ASMT: variants seen among roughly 807,000 people sequenced by gnomAD.
The protein encoded by ASMT is acetylserotonin O-methyltransferase.
Under a neutral mutation model 41.3 loss-of-function variants are expected in ASMT, and 53 were observed. The ratio of observed to expected loss-of-function variants is 1.28; its 90% CI spans 1.03 to 1.61. The LOEUF (loss-of-function observed/expected upper bound fraction) is 1.61. Among genes scored for constraint, ASMT ranks in the 40% most tolerant of loss-of-function variants. The pLI is 0.00. For missense variants in ASMT, 531 were observed against 441.3 expected, an observed-to-expected ratio of 1.20 and a Z score of -1.82; for synonymous variants, 231 against 184.8, an observed-to-expected ratio of 1.25 and a Z score of -2.03.
intron 2 of ASMT, among the ~76,000 whole-genome samples, chrX:1,623,546 C>T (rs772145051): frequency 6.6e-6 from 1 of 152,264 alleles, no homozygotes; most frequent in East Asian, 1.9e-4. Context: ...TTGCAGTGAG[C>T]CGAGATCGTG....
chrX:1,628,705 C>G (rs1169816034), intron 4 of ASMT, among the ~76,000 whole-genome samples: 1 of 150,978 alleles, frequency 6.6e-6, no homozygotes, highest in Non-Finnish European at 1.5e-5. Flanking sequence ...CTCTTTTCCT[C>G]TCCATCTTCC....
chrX:1,629,536 C>T (rs1221172883), intron 4 of ASMT, among the ~76,000 whole-genome samples: 1 of 152,144 alleles, frequency 6.6e-6, no homozygotes, highest in African/African-American at 2.4e-5. Context: ...ATTGACTTTC[C>T]TCTTAGAAAA....
Position 1,615,231 on chromosome X carries a change from T to G in ASMT, c.32T>G (p.Leu11Arg). 1 of 1,599,024 alleles carries G rather than the reference T, an allele frequency of 6.3e-7. No homozygotes were observed. Among genetic ancestry groups the G allele is most frequent in the African/African-American group, 1.3e-5 (1 of 74,748 alleles). ...TCCTCAGAGGACCAGGCCTATCGCC[T>G]CCTTAATGACTACGCCAACGGCTTC... is the stretch of plus-strand genomic sequence containing the variant. MGSSEDQAYR[L>R]LNDYANGFMV... Residue 11 changes from leucine (L) to arginine (R), a missense_variant, in exon 1 of 9, where the codon CTC (leucine) becomes CGC (arginine). Physicochemically the swap from Leu to Arg is moderately radical, Grantham distance 102. Coordinates refer to ENST00000381241, the MANE Select transcript of ASMT (RefSeq NM_001171038.2).
intron 1 of ASMT, among the ~76,000 whole-genome samples, chrX:1,619,809 G>T (rs1212587280): frequency 6.6e-6 from 1 of 151,250 alleles, no homozygotes; most frequent in African/African-American, 2.4e-5. Flanking sequence ...AGGTTAATAC[G>T]GGCCGGGCGT....
Position 1,633,229 on chromosome X carries a change from G to A in ASMT, c.726G>A (p.Val242=), listed in dbSNP as rs769855891. 1 of 1,613,924 alleles carries A rather than the reference G, an allele frequency of 6.2e-7. No homozygotes were observed. The highest frequency in any genetic ancestry group is 1.1e-5 in the South Asian group (1 of 91,076). ...CKITVFDIPE[V]VWTAKQHFSF... ...TCACCGTTTTTGACATCCCAGAAGT[G>A]GTGTGGACGGCAAAGCAGCACTTCT... Residue 242 remains valine, a synonymous_variant, in exon 7 of 9, where the codon GTG becomes GTA. Coordinates refer to ENST00000381241, the MANE Select transcript of ASMT (RefSeq NM_001171038.2).
chrX:1,621,718 G>A (rs1283320166), intron 1 of ASMT, among the ~76,000 whole-genome samples: 11 of 151,118 alleles, frequency 7.3e-5, no homozygotes, highest in African/African-American at 2.4e-4. Context: ...CTATTGAGAC[G>A]GAGTTTCGCT....
intron 6 of ASMT, 62 bp from the exon 7 acceptor site, chrX:1,633,088 G>A: frequency 6.2e-7 from 1 of 1,604,542 alleles, no homozygotes; most frequent in South Asian, 1.1e-5. Context: ...ATGGTGTGTG[G>A]AGGGTGAGCG....
At chrX:1,636,829 A>G (rs1469628314) in intron 8 of ASMT, among the ~76,000 whole-genome samples, 1 of 152,334 alleles carries the variant, frequency 6.6e-6, no homozygotes, top group African/African-American at 2.4e-5. Context: ...TTAGGCTAGT[A>G]TTTGTGTGTG....
intron 1 of ASMT, among the ~76,000 whole-genome samples, chrX:1,619,591 A>AAAAAGT (rs200435245): frequency 1.4e-5 from 2 of 147,190 alleles, no homozygotes; most frequent in African/African-American, 5.0e-5. Flanking sequence ...TAATAATAAA[A>AAAAAGT]AGTCTTTGGG....
chrX:1,633,130 C>T lies in ASMT; in HGVS notation c.647-20C>T, dbSNP rs199525402. On this transcript the variant is annotated intron_variant, in intron 6 of 8. Coordinates refer to ENST00000381241, the MANE Select transcript of ASMT (RefSeq NM_001171038.2). Reference sequence around the variant, plus strand: ...CTCAGGTTCATCTCTGAGGGTCAAACGGGCTGTGTCCCCTTCCAGGTGGGG... The same window carrying T: ...CTCAGGTTCATCTCTGAGGGTCAAATGGGCTGTGTCCCCTTCCAGGTGGGG... The T allele has an allele frequency of 1.5e-5, 25 of 1,613,746 alleles. No homozygotes were observed. The highest frequency in any genetic ancestry group is 4.0e-5 in the African/African-American group (3 of 74,886).
At chrX:1,632,099 G>C (rs1444847255) in intron 5 of ASMT, among the ~76,000 whole-genome samples, 1 of 152,120 alleles carries the variant, frequency 6.6e-6, no homozygotes, top group African/African-American at 2.4e-5. Context: ...AAGGAGCATG[G>C]GGCTGGAAGT....
At chrX:1,642,417 G>C (rs1935222577) in intron 8 of ASMT, among the ~76,000 whole-genome samples, 1 of 151,008 alleles carries the variant, frequency 6.6e-6, no homozygotes, top group Non-Finnish European at 1.5e-5. Flanking sequence ...TGAGGACGTG[G>C]GCTCAGCCTC....
Position 1,616,843 on chromosome X carries a change from G to A in ASMT, c.69+1575G>A, listed in dbSNP as rs755902594. On this transcript the variant is annotated intron_variant, in intron 1 of 8. Transcript: ENST00000381241. Reference sequence around the variant, plus strand: ...CCTGCCTCAGCCTCCCGAGTAGCTGGGATTACAGGCACCCGCCACCACGCC... The same window carrying A: ...CCTGCCTCAGCCTCCCGAGTAGCTGAGATTACAGGCACCCGCCACCACGCC... Among the ~76,000 whole-genome samples the A allele has an allele frequency of 8.6e-5, 13 of 151,574 alleles. No homozygotes were observed. In the South Asian group the frequency reaches 2.5e-3, roughly 29 times the overall value.
chrX:1,615,124 C>T lies in ASMT; in HGVS notation c.-76C>T, dbSNP rs1934028612. 7.1e-7 allele frequency: 1 copy of T among 1,404,202 alleles called. No homozygotes were observed. The highest frequency in any genetic ancestry group is 1.4e-5 in the African/African-American group (1 of 70,580). The allele number at this position is 1,404,202 out of a possible 1,614,324, so 87.0% of individuals were successfully genotyped here. Reference sequence around the variant, plus strand: ...GCTGTGAGCGGGTGGCTCTTCCCCACCTTGCCAGCAGGCTCTGTGCTCCTT... The same window carrying T: ...GCTGTGAGCGGGTGGCTCTTCCCCATCTTGCCAGCAGGCTCTGTGCTCCTT... On this transcript the variant is annotated 5_prime_UTR_variant, in exon 1 of 9. Coordinates refer to ENST00000381241, the MANE Select transcript of ASMT (RefSeq NM_001171038.2).
At chrX:1,636,905 C>A (rs1358868989) in intron 8 of ASMT, among the ~76,000 whole-genome samples, 2 of 142,962 alleles carry the variant, frequency 1.4e-5, no homozygotes, top group Non-Finnish European at 3.1e-5. Context: ...AGGATGTGGG[C>A]ACAGCCTCTG....
In ASMT at chrX:1,642,834, G is replaced by C. The variant is rs770827595; in HGVS notation, c.942G>C (p.Leu314=). The C allele has an allele frequency of 2.5e-6, 4 of 1,613,960 alleles. No individual in the cohort carries two copies. In the Admixed American group the frequency reaches 6.7e-5, roughly 27 times the overall value. The change falls in exon 9 of 9, where the codon CTG becomes CTC. Residue 314 remains leucine, a synonymous_variant. Coordinates refer to ENST00000381241, the MANE Select transcript of ASMT (RefSeq NM_001171038.2). ...GGGILVIESL[L]DEDRRGPLLT... ...GCATTCTGGTAATTGAAAGCCTCCT[G>C]GATGAAGACAGGCGAGGTCCTCTGC...
Position 1,633,138 on chromosome X carries a change from G to A in ASMT, c.647-12G>A. 6.2e-7 allele frequency: 1 copy of A among 1,613,938 alleles called. No individual in the cohort carries two copies. The highest frequency in any genetic ancestry group is 1.1e-5 in the South Asian group (1 of 91,068). On this transcript the variant is annotated splice_polypyrimidine_tract_variant and intron_variant, in intron 6 of 8. Coordinates refer to ENST00000381241, the MANE Select transcript of ASMT (RefSeq NM_001171038.2). ...CATCTCTGAGGGTCAAACGGGCTGT[G>A]TCCCCTTCCAGGTGGGGCTGGAGCT... is the stretch of plus-strand genomic sequence containing the variant.
intron 8 of ASMT, among the ~76,000 whole-genome samples, chrX:1,642,547 G>A (rs1190567864): frequency 3.3e-5 from 5 of 151,648 alleles, no homozygotes; most frequent in Non-Finnish European, 7.4e-5. Context: ...GTTCTCCTGT[G>A]AGGTCCATCC....
At position 1,627,736 on chromosome X, in the gene ASMT, C is replaced by T. The variant is rs770366013; in HGVS notation, c.408C>T (p.Gly136=). The part of the protein sequence containing the change: ...EGRNQYLETF[G]VPAEELFTAI... The stretch of plus-strand genomic sequence containing the variant: ...GGAACCAGTACCTGGAGACGTTTGG[C>T]GTTCCCGCTGAAGAGCTTTTTACGG... Residue 136 remains glycine (G), a synonymous_variant, in exon 4 of 9, where the codon GGC becomes GGT. Coordinates refer to ENST00000381241, the MANE Select transcript of ASMT (RefSeq NM_001171038.2). 80 of 1,613,832 alleles carry T rather than the reference C, an allele frequency of 5.0e-5. 1 individual carries two copies. The highest frequency in any genetic ancestry group is 4.6e-4 in the South Asian group (42 of 91,076).
Sources: gnomAD v4.1 joint callset for allele counts (sites outside exome capture counted in the v4.1 genomes callset) on GRCh38, gnomAD v4.1.1 for gene constraint, MANE v1.5 for transcripts, NCBI Gene and HGNC (gene_info 2026-07-23, HGNC 2026-07-21) for gene names.